The following TNPO3 variants were observed in gnomAD, a reference collection of about 807,000 sequenced individuals.
TNPO3 encodes transportin 3.
Under a neutral mutation model 122.8 loss-of-function variants are expected in TNPO3, and 65 were observed. The observed-to-expected ratio is 0.53, with a 90% CI of 0.43 to 0.65. TNPO3 has a LOEUF of 0.65. Among genes scored for constraint, TNPO3 ranks in the 30% least tolerant of loss-of-function variants. The pLI is 0.00. For missense variants in TNPO3, 850 were observed against 1,136.7 expected, an observed-to-expected ratio of 0.75 and a Z score of 3.63; for synonymous variants, 372 against 411.2, an observed-to-expected ratio of 0.90 and a Z score of 1.15.
chr7:129,000,394 G>A, intron 7 of TNPO3, 35 bp downstream of exon 7: 1 of 1,549,258 alleles, frequency 6.5e-7, no homozygotes, highest in Non-Finnish European at 8.7e-7. Flanking sequence ...CACACAACTT[G>A]GAGAATAATG....
intron 1 of TNPO3, among the ~76,000 whole-genome samples, chr7:129,023,298 G>C (rs531572744): frequency 7.2e-5 from 11 of 151,942 alleles, no homozygotes; most frequent in Admixed American, 3.3e-4. Context: ...TTACCTTTAA[G>C]TATTTATACC....
At chr7:129,000,289 C>T (rs1801793369) in intron 7 of TNPO3, 140 bp downstream of exon 7, 2 of 1,016,626 alleles carry the variant, frequency 2.0e-6, no homozygotes, top group Non-Finnish European at 2.8e-6. Flanking sequence ...TAAAAAATTC[C>T]AAAACAGATG....
At chr7:129,032,591 C>T (rs9649520) in intron 1 of TNPO3, among the ~76,000 whole-genome samples, 74,242 of 151,910 alleles carry the variant, frequency 0.49, 18,344 homozygotes, top group African/African-American at 0.51. Context: ...TGAAAAGAAA[C>T]AATTCCATTT....
rs1351482070 is a variant in TNPO3 at position 128,974,885 on chromosome 7, C to A, written c.2256G>T (p.Leu752=). The A allele has an allele frequency of 1.2e-6, 2 of 1,614,154 alleles. No homozygotes were observed. The highest frequency in any genetic ancestry group is 2.2e-5 in the East Asian group (1 of 44,882). Residue 752 remains leucine (L), a synonymous_variant, in exon 18 of 23, where the codon CTG becomes CTT. Transcript: ENST00000265388. ...GGATTTACCTGGTGGCTAGCCGGAA[C>A]AGGTCATCTACAGTGTCAGGGTGAT... ...LQNHPDTVDD[L]FRLATRFIQR... is the part of the protein sequence containing the mutation.
At position 128,955,375 on chromosome 7, in the gene TNPO3, A is replaced by C. The variant is rs1268041577; in HGVS notation, c.*42T>G. The C allele has an allele frequency of 2.2e-6, 1 of 456,340 alleles. No individual in the cohort carries two copies. The highest frequency in any genetic ancestry group is 2.4e-5 in the Admixed American group (1 of 42,474). 28.3% of individuals were successfully genotyped at this position (456,340 alleles called of 1,614,324 possible). A position where few individuals can be genotyped will look rare whatever the true frequency, so the allele number is the denominator to read the frequency against. ...TGTTTTCTTCCTGTCTTCTAATTAAAAAAGACATTCCTGACAAAAGAGATA... is the reference window on the plus strand; with the variant it reads ...TGTTTTCTTCCTGTCTTCTAATTAACAAAGACATTCCTGACAAAAGAGATA... On this transcript the variant is annotated 3_prime_UTR_variant, in exon 23 of 23. Transcript: ENST00000265388.
intron 1 of TNPO3, among the ~76,000 whole-genome samples, chr7:129,027,123 CT>C (rs907770943): frequency 6.6e-6 from 1 of 152,070 alleles, no homozygotes; most frequent in African/African-American, 2.4e-5. Context: ...GGTAGCAAAG[CT>C]TTTTTAACAA....
At chr7:128,982,062 C>T (rs1225475842) in intron 14 of TNPO3, among the ~76,000 whole-genome samples, 186 bp downstream of exon 14, 1 of 152,116 alleles carries the variant, frequency 6.6e-6, no homozygotes. Context: ...AACACAAAGA[C>T]CTACCAGGAA....
chr7:129,000,962 T>C, intron 6 of TNPO3, 97 bp downstream of exon 6: 1 of 1,396,136 alleles, frequency 7.2e-7, no homozygotes, highest in South Asian at 1.3e-5. Flanking sequence ...ACAGAATCAC[T>C]GAGAATCACA....
At chr7:128,963,755 T>C (rs963272484) in intron 21 of TNPO3, among the ~76,000 whole-genome samples, 2 of 152,208 alleles carry the variant, frequency 1.3e-5, no homozygotes, top group African/African-American at 4.8e-5. Flanking sequence ...AGTAAACTAT[T>C]TTGGAAAGTG....
At chr7:129,009,142 A>C (rs1273664551) in intron 4 of TNPO3, among the ~76,000 whole-genome samples, 1 of 152,228 alleles carries the variant, frequency 6.6e-6, no homozygotes, top group Non-Finnish European at 1.5e-5. Flanking sequence ...AGCAGGGATA[A>C]ATAAGAATTG....
At chr7:129,026,921 T>C (rs751445381) in intron 1 of TNPO3, among the ~76,000 whole-genome samples, 2 of 152,094 alleles carry the variant, frequency 1.3e-5, no homozygotes, top group East Asian at 1.9e-4. Flanking sequence ...GCCTCCTGCA[T>C]AGCTGGGACT....
chr7:128,972,616 A>G (rs371067566), intron 18 of TNPO3, 34 bp from the exon 19 acceptor site: 11 of 1,596,906 alleles, frequency 6.9e-6, no homozygotes, highest in Admixed American at 1.7e-5. Flanking sequence ...TATAAATGAC[A>G]AGATTAGGCT....
intron 21 of TNPO3, 57 bp downstream of exon 21, chr7:128,967,222 TA>T: frequency 9.2e-7 from 1 of 1,092,364 alleles, no homozygotes; most frequent in South Asian, 1.3e-5. Context: ...ACATAAGAAA[TA>T]AAGATATGTT....
intron 16 of TNPO3, among the ~76,000 whole-genome samples, chr7:128,976,637 C>A (rs1799088607): frequency 6.6e-6 from 1 of 152,056 alleles, no homozygotes; most frequent in Non-Finnish European, 1.5e-5. Flanking sequence ...CCATGCCCGG[C>A]CACGATATGC....
chr7:128,958,517 C>T (rs886091687), intron 21 of TNPO3, among the ~76,000 whole-genome samples: 1 of 152,178 alleles, frequency 6.6e-6, no homozygotes, highest in Non-Finnish European at 1.5e-5. Context: ...CCAGTGCCTA[C>T]AGCCAAGGAT....
Position 128,993,874 on chromosome 7 carries a change from C to T in TNPO3, c.1199G>A (p.Arg400His), listed in dbSNP as rs777738372. ...PEETDDFGEFRMRVSDLVKDL... is the reference protein window; with the variant it reads ...PEETDDFGEFHMRVSDLVKDL... ...CTTTACCAGGTCTGATACCCTCATG[C>T]GAAACTCCCCAAAGTCATCAGTCTC... Residue 400 changes from arginine to histidine, a missense_variant, in exon 9 of 23, where the codon CGC becomes CAC. Arg to His is a conservative substitution (Grantham distance 29). Transcript: ENST00000265388. The T allele has an allele frequency of 3.1e-6, 5 of 1,614,044 alleles. No individual in the cohort carries two copies. The highest frequency in any genetic ancestry group is 3.4e-6 in the Non-Finnish European group (4 of 1,180,002).
chr7:128,973,391 G>A (rs1296821185), intron 18 of TNPO3, among the ~76,000 whole-genome samples: 2 of 152,060 alleles, frequency 1.3e-5, no homozygotes, highest in Non-Finnish European at 2.9e-5. Context: ...TTCATCATTT[G>A]TATAAAGAAC....
intron 1 of TNPO3, among the ~76,000 whole-genome samples, chr7:129,024,651 T>A (rs922056843): frequency 6.6e-6 from 1 of 152,102 alleles, no homozygotes; most frequent in African/African-American, 2.4e-5. Context: ...AGAGTAGAAC[T>A]GAATCATGAC....
At position 129,018,162 on chromosome 7, in the gene TNPO3, A is replaced by G; in HGVS notation, c.121-5T>C. ...TGAGATCTCCCATGCATGAACCTGA[A>G]AGCGTATTAGACAAAGATGTCTTAA... On this transcript the variant is annotated splice_polypyrimidine_tract_variant and splice_region_variant and intron_variant, in intron 1 of 22. Transcript: ENST00000265388. The G allele has an allele frequency of 6.2e-7, 1 of 1,614,034 alleles. No individual in the cohort carries two copies. Among genetic ancestry groups the G allele is most frequent in the Admixed American group, 1.7e-5 (1 of 60,002 alleles).
Sources: allele counts gnomAD v4.1 joint callset (sites outside exome capture counted in the v4.1 genomes callset), GRCh38; gene constraint gnomAD v4.1.1; transcripts MANE v1.5; gene names NCBI Gene and HGNC (gene_info 2026-07-23, HGNC 2026-07-21).